SESTD1: variants seen among roughly 807,000 people sequenced by gnomAD.
SESTD1 encodes SEC14 and spectrin domain containing 1, also known as SEC14 domain and spectrin repeat-containing protein 1.
In SESTD1, 43 loss-of-function variants were observed where a neutral mutation model predicts 101.7. That is an observed-to-expected ratio of 0.42 (90% CI 0.33 to 0.55). SESTD1 has a LOEUF of 0.55. Among genes scored for constraint, SESTD1 ranks in the 20% least tolerant of loss-of-function variants. The pLI, the probability that SESTD1 is intolerant of heterozygous loss-of-function variation, is 0.07. For missense variants in SESTD1, 647 were observed against 815.1 expected (o/e 0.79, Z 2.51); for synonymous variants, 283 against 286.8 (o/e 0.99, Z 0.13).
intron 9 of SESTD1, 109 bp from the exon 10 acceptor site, chr2:179,132,535 A>G: frequency 6.5e-6 from 8 of 1,232,738 alleles, no homozygotes; most frequent in South Asian, 1.5e-5. Flanking sequence ...TTTAATGTAA[A>G]TTATTTACAT....
chr2:179,180,179 A>G (rs983998183), intron 3 of SESTD1, among the ~76,000 whole-genome samples: 1 of 152,232 alleles, frequency 6.6e-6, no homozygotes, highest in East Asian at 1.9e-4. Flanking sequence ...CAACTGTGCT[A>G]GGTTACCCAC....
At chr2:179,245,633 G>C (rs1389819397) in intron 1 of SESTD1, among the ~76,000 whole-genome samples, 1 of 151,746 alleles carries the variant, frequency 6.6e-6, no homozygotes, top group Non-Finnish European at 1.5e-5. Flanking sequence ...GCTGCAGTGA[G>C]CTGTGATGGC....
At chr2:179,185,726 T>TTATATACAATATATAATATAGCA (rs1559134329) in intron 2 of SESTD1, among the ~76,000 whole-genome samples, 2 of 117,020 alleles carry the variant, frequency 1.7e-5, no homozygotes, top group East Asian at 4.7e-4. Flanking sequence ...ATATAGCATA[T>TTATATACAATATATAATATAGCA]TATATATAAT....
At position 179,215,079 on chromosome 2, in the gene SESTD1, C is replaced by G. The variant is rs562534888; in HGVS notation, c.-25-23213G>C. On this transcript the variant is annotated intron_variant, in intron 1 of 17. Coordinates refer to ENST00000428443, the MANE Select transcript of SESTD1 (RefSeq NM_178123.5). ...CACCCTAACATCACAATTAAAAGAACTAGAGATGCAAGAGCAAACACATTC... is the reference window on the plus strand; with the variant it reads ...CACCCTAACATCACAATTAAAAGAAGTAGAGATGCAAGAGCAAACACATTC... 2.2e-4 allele frequency among the ~76,000 whole-genome samples: 29 copies of G among 134,460 alleles called. 5 individuals carry two copies. Among genetic ancestry groups the G allele is most frequent in the Non-Finnish European group, 4.0e-4 (25 of 62,626 alleles). 88.2% of individuals were successfully genotyped at this position (134,460 alleles called of 152,430 possible). A position where few individuals can be genotyped will look rare whatever the true frequency, so the allele number is the denominator to read the frequency against.
At chr2:179,136,994 A>G (rs1262224697) in intron 9 of SESTD1, among the ~76,000 whole-genome samples, 2 of 152,182 alleles carry the variant, frequency 1.3e-5, no homozygotes, top group Non-Finnish European at 2.9e-5. Flanking sequence ...TCTAATAAAA[A>G]TGATGCAAAT....
At chr2:179,236,176 T>C (rs1394115426) in intron 1 of SESTD1, among the ~76,000 whole-genome samples, 1 of 149,396 alleles carries the variant, frequency 6.7e-6, no homozygotes, top group Admixed American at 6.7e-5. Context: ...TGAACTCAAA[T>C]AGCGTTTATT....
chr2:179,180,716 C>T (rs1034904942), intron 3 of SESTD1, among the ~76,000 whole-genome samples: 4 of 152,068 alleles, frequency 2.6e-5, no homozygotes, highest in Non-Finnish European at 4.4e-5. Flanking sequence ...TGGGGGGTTA[C>T]GTTTTAAAAG....
intron 1 of SESTD1, among the ~76,000 whole-genome samples, chr2:179,246,034 A>G (rs1574064969): frequency 6.6e-6 from 1 of 152,130 alleles, no homozygotes; most frequent in African/African-American, 2.4e-5. Flanking sequence ...AGGCGGGCGG[A>G]CCACAAGGTC....
chr2:179,247,936 A>T (rs2047257815), intron 1 of SESTD1, among the ~76,000 whole-genome samples: 1 of 152,096 alleles, frequency 6.6e-6, no homozygotes, highest in African/African-American at 2.4e-5. Context: ...AACATAGCTA[A>T]GGCAATGCTG....
chr2:179,185,712 T>TATAATATAGTATATTATATACAATAC (rs2046212372), intron 2 of SESTD1, among the ~76,000 whole-genome samples: 2 of 120,304 alleles, frequency 1.7e-5, no homozygotes, highest in East Asian at 4.7e-4. Context: ...ATATACAATA[T>TATAATATAGTATATTATATACAATAC]ATAATATAGC....
At position 179,249,212 on chromosome 2, in the gene SESTD1, T is replaced by TAAAA. The variant is rs58597141; in HGVS notation, c.-26+15283_-26+15286dup. ...GAAAGGAAATAAAAGGCATACAGAT[T>TAAAA]AAAAAAAAAAAAAAAAAGAAGACTA... On this transcript the variant is annotated intron_variant, in intron 1 of 17. Transcript: ENST00000428443. 6.3e-3 allele frequency among the ~76,000 whole-genome samples: 795 copies of TAAAA among 125,952 alleles called. 14 individuals are homozygous for TAAAA. The highest frequency in any genetic ancestry group is 0.046 in the South Asian group (184 of 3,990). The allele number at this position is 125,952 out of a possible 152,430, so 82.6% of individuals were successfully genotyped here.
At chr2:179,215,312 C>A (rs1379813736) in intron 1 of SESTD1, among the ~76,000 whole-genome samples, 2 of 134,276 alleles carry the variant, frequency 1.5e-5, no homozygotes, top group Non-Finnish European at 3.2e-5. Flanking sequence ...CGGGATATCA[C>A]CACTAATCTA....
intron 14 of SESTD1, 32 bp downstream of exon 14, chr2:179,117,500 T>A: frequency 6.6e-7 from 1 of 1,522,572 alleles, no homozygotes; most frequent in Non-Finnish European, 8.8e-7. Context: ...CTAAGAAAAG[T>A]TAACTACATA....
Position 179,243,136 on chromosome 2 carries a change from T to C in SESTD1, c.-26+21363A>G, listed in dbSNP as rs552504249. Among the ~76,000 whole-genome samples the C allele has an allele frequency of 1.5e-4, 23 of 151,982 alleles. No homozygotes were observed. The East Asian group carries it at 2.3e-3, about 15-fold the overall frequency. On this transcript the variant is annotated intron_variant, in intron 1 of 17. Coordinates refer to ENST00000428443, the MANE Select transcript of SESTD1 (RefSeq NM_178123.5). ...AACAACCCTATTAAAAAGTGGGCAA[T>C]AGACATGAACAGACATACAAGCAGC...
Position 179,109,550 on chromosome 2 carries a change from T to A in SESTD1, c.*349A>T. ...TCACCTGTGGAGGAAGGGCAACTTTTTTTTTTCTTTTTAATAGAGAGAATT... is the reference window on the plus strand; with the variant it reads ...TCACCTGTGGAGGAAGGGCAACTTTATTTTTTCTTTTTAATAGAGAGAATT... On this transcript the variant is annotated 3_prime_UTR_variant, in exon 18 of 18. Transcript: ENST00000428443. The A allele has an allele frequency of 2.5e-6, 1 of 396,006 alleles. No homozygotes were observed. The highest frequency in any genetic ancestry group is 4.5e-6 in the Non-Finnish European group (1 of 224,430). The allele number at this position is 396,006 out of a possible 1,614,324, so 24.5% of individuals were successfully genotyped here.
At chr2:179,244,254 C>G (rs555694062) in intron 1 of SESTD1, among the ~76,000 whole-genome samples, 61 of 152,144 alleles carry the variant, frequency 4.0e-4, no homozygotes, top group African/African-American at 1.3e-3. Context: ...ATCAGGAGTT[C>G]AAAACCAGCC....
intron 1 of SESTD1, among the ~76,000 whole-genome samples, chr2:179,233,240 G>A (rs1303055462): frequency 6.6e-6 from 1 of 152,156 alleles, no homozygotes; most frequent in African/African-American, 2.4e-5. Context: ...GTTCCAGTAA[G>A]TGGGTTTGCT....
In SESTD1 at chr2:179,207,888, T is replaced by C. The variant is rs2046608917; in HGVS notation, c.-25-16022A>G. Reference sequence around the variant, plus strand: ...TCCAAACCAACAAGAAATCTCTGAATTGCCAGATAAAGAATCAGAAGGTTG... The same window carrying C: ...TCCAAACCAACAAGAAATCTCTGAACTGCCAGATAAAGAATCAGAAGGTTG... On this transcript the variant is annotated intron_variant, in intron 1 of 17. Coordinates refer to ENST00000428443, the MANE Select transcript of SESTD1 (RefSeq NM_178123.5). Among the ~76,000 whole-genome samples, 2 of 134,844 alleles carry C rather than the reference T, an allele frequency of 1.5e-5. 1 individual carries two copies. The highest frequency in any genetic ancestry group is 5.5e-4 in the South Asian group (2 of 3,626). The allele number at this position is 134,844 out of a possible 152,430, so 88.5% of individuals were successfully genotyped here.
chr2:179,228,374 C>T (rs1482659104), intron 1 of SESTD1, among the ~76,000 whole-genome samples: 5 of 152,076 alleles, frequency 3.3e-5, no homozygotes, highest in South Asian at 4.1e-4. Context: ...CAAATATGTC[C>T]ATGTGTGTAA....
Sources: gnomAD v4.1 joint callset for allele counts (sites outside exome capture counted in the v4.1 genomes callset) on GRCh38, gnomAD v4.1.1 for gene constraint, MANE v1.5 for transcripts, NCBI Gene and HGNC (gene_info 2026-07-23, HGNC 2026-07-21) for gene names.